GRN: variants seen among roughly 807,000 people sequenced by gnomAD.
GRN encodes granulin precursor.
In GRN, 30 loss-of-function variants were observed where a neutral mutation model predicts 66.7. The observed-to-expected ratio is 0.45, with a 90% CI of 0.34 to 0.61. The LOEUF is 0.61. Ranked by LOEUF, GRN falls within the 20% of genes least tolerant of loss-of-function variation. The pLI is 0.01. For missense variants in GRN, 731 were observed against 803.5 expected (o/e 0.91, Z 1.09); for synonymous variants, 327 against 311.1 (o/e 1.05, Z -0.54).
At chr17:44,349,355 G>T (rs749422874) in intron 2 of GRN, 53 bp downstream of exon 2, 12 of 1,614,098 alleles carry the variant, frequency 7.4e-6, no homozygotes, top group Non-Finnish European at 1.0e-5. Flanking sequence ...TTCCCAAAGG[G>T]TCATCTTGGA....
chr17:44,347,754 C>A (rs1329083303), intron 1 of GRN, among the ~76,000 whole-genome samples: 1 of 151,318 alleles, frequency 6.6e-6, no homozygotes, highest in African/African-American at 2.4e-5. Flanking sequence ...GAGTTCAAGA[C>A]CAGCCTGACC....
Position 44,352,762 on chromosome 17 carries a change from C to T in GRN, c.1746C>T (p.Ala582=). The change falls in exon 13 of 13, where the codon GCC becomes GCT. Residue 582 remains alanine, a synonymous_variant. Coordinates refer to ENST00000053867, the MANE Select transcript of GRN (RefSeq NM_002087.4). ...CLRREAPRWD[A]PLRDPALRQL... is the part of the protein sequence containing the mutation. ...GCAGGGAGGCCCCGCGCTGGGACGCCCCTTTGAGGGACCCAGCCTTGAGAC... is the reference window on the plus strand; with the variant it reads ...GCAGGGAGGCCCCGCGCTGGGACGCTCCTTTGAGGGACCCAGCCTTGAGAC... 6.2e-7 allele frequency: 1 copy of T among 1,611,854 alleles called. No homozygotes were observed. The highest frequency in any genetic ancestry group is 1.1e-5 in the South Asian group (1 of 91,088).
chr17:44,349,785 C>CG (rs2048354989), intron 4 of GRN, 34 bp downstream of exon 4: 1 of 1,427,846 alleles, frequency 7.0e-7, no homozygotes, highest in African/African-American at 1.4e-5. Context: ...GGCAGGCAGA[C>CG]GGGCAGCATG....
Position 44,350,586 on chromosome 17 carries a change from G to A in GRN, c.598+9G>A. ...GAGGACTAACAGGGCAGGTGAGGAG[G>A]TGGGAGAGCATCAGGCCAGGGGCTG... On this transcript the variant is annotated intron_variant, in intron 6 of 12. Coordinates refer to ENST00000053867, the MANE Select transcript of GRN (RefSeq NM_002087.4). 1 of 1,613,704 alleles carries A rather than the reference G, an allele frequency of 6.2e-7. No individual in the cohort carries two copies. The highest frequency in any genetic ancestry group is 2.2e-5 in the East Asian group (1 of 44,880).
chr17:44,347,117 A>AG (rs1209153560), intron 1 of GRN, among the ~76,000 whole-genome samples: 1 of 46,596 alleles, frequency 2.1e-5, no homozygotes, highest in Non-Finnish European at 3.4e-5. Context: ...ACTCCATCTC[A>AG]AAAAAAAAAG....
chr17:44,347,319 C>G (rs1018389001), intron 1 of GRN, among the ~76,000 whole-genome samples: 15 of 152,016 alleles, frequency 9.9e-5, no homozygotes, highest in South Asian at 6.2e-4. Flanking sequence ...ATCTCAGTCT[C>G]ACTCTGTCAC....
rs772720221 is a variant in GRN at position 44,352,395 on chromosome 17, GT to G, written c.1469del (p.Val490GlyfsTer27). On this transcript the variant is annotated frameshift_variant, in exon 12 of 13. Transcript: ENST00000053867. LOFTEE classifies it high-confidence loss of function. ...CTGCCCGGCTGGCTACACCTGCAACGTGAAGGCTCGATCCTGCGAGAAGGAA... is the reference window on the plus strand; with the variant it reads ...CTGCCCGGCTGGCTACACCTGCAACGGAAGGCTCGATCCTGCGAGAAGGAA... ...HCCPAGYTCN[V>X]KARSCEKEVV... is the part of the protein sequence containing the mutation. 4 of 1,613,972 alleles carry G rather than the reference GT, an allele frequency of 2.5e-6. No homozygotes were observed. The South Asian group carries it at 4.4e-5, about 18-fold the overall frequency.
In GRN at chr17:44,351,519, G is replaced by C. The variant is rs1446230922; in HGVS notation, c.934-31G>C. 5 of 1,613,674 alleles carry C rather than the reference G, an allele frequency of 3.1e-6. No individual in the cohort carries two copies. In the Admixed American group the frequency reaches 8.3e-5, roughly 27 times the overall value. On this transcript the variant is annotated intron_variant, in intron 9 of 12. Coordinates refer to ENST00000053867, the MANE Select transcript of GRN (RefSeq NM_002087.4). ...CAGTGTGGCAGGCAGCCGGGCCCCA[G>C]TGCCCACCTGCCCTTCTTCATCTGC... is the stretch of plus-strand genomic sequence containing the variant.
At position 44,351,023 on chromosome 17, in the gene GRN, C is replaced by G. The variant is rs1296390642; in HGVS notation, c.709-14C>G. The G allele has an allele frequency of 6.2e-7, 1 of 1,612,882 alleles. No homozygotes were observed. Among genetic ancestry groups the G allele is most frequent in the Non-Finnish European group, 8.5e-7 (1 of 1,179,856 alleles). On this transcript the variant is annotated splice_polypyrimidine_tract_variant and intron_variant, in intron 7 of 12. Transcript: ENST00000053867. ...GCCTGGAAGTGACAAAGACCCACCCCTGTCCCCACTCAGGCCACCTGCTGC... is the reference window on the plus strand; with the variant it reads ...GCCTGGAAGTGACAAAGACCCACCCGTGTCCCCACTCAGGCCACCTGCTGC...
At position 44,351,028 on chromosome 17, in the gene GRN, C is replaced by A; in HGVS notation, c.709-9C>A. 1 of 1,613,280 alleles carries A rather than the reference C, an allele frequency of 6.2e-7. No individual in the cohort carries two copies. The highest frequency in any genetic ancestry group is 8.5e-7 in the Non-Finnish European group (1 of 1,179,888). On this transcript the variant is annotated splice_polypyrimidine_tract_variant and intron_variant, in intron 7 of 12. Transcript: ENST00000053867. Reference sequence around the variant, plus strand: ...GAAGTGACAAAGACCCACCCCTGTCCCCACTCAGGCCACCTGCTGCTCCGA... The same window carrying A: ...GAAGTGACAAAGACCCACCCCTGTCACCACTCAGGCCACCTGCTGCTCCGA...
At chr17:44,348,353 C>T (rs551814349) in intron 1 of GRN, among the ~76,000 whole-genome samples, 47 of 152,276 alleles carry the variant, frequency 3.1e-4, no homozygotes, top group South Asian at 1.0e-3. Flanking sequence ...AGTGGGCACA[C>T]GTGGTCTCTC....
chr17:44,349,530 C>T lies in GRN; in HGVS notation c.243C>T (p.Ser81=), dbSNP rs752928164. The T allele has an allele frequency of 2.5e-6, 4 of 1,614,206 alleles. No homozygotes were observed. Among genetic ancestry groups the T allele is most frequent in the East Asian group, 4.5e-5 (2 of 44,886 alleles). The part of the protein sequence containing the change: ...HSCIFTVSGT[S]SCCPFPEAVA... Reference sequence around the variant, plus strand: ...GCATCTTTACCGTCTCAGGGACTTCCAGTTGCTGCCCCTTCCCAGAGGTGA... The same window carrying T: ...GCATCTTTACCGTCTCAGGGACTTCTAGTTGCTGCCCCTTCCCAGAGGTGA... The change falls in exon 3 of 13, where the codon TCC becomes TCT. Residue 81 remains serine, a synonymous_variant. Coordinates refer to ENST00000053867, the MANE Select transcript of GRN (RefSeq NM_002087.4).
chr17:44,349,011 T>C, intron 1 of GRN, 147 bp from the exon 2 acceptor site: 1 of 856,758 alleles, frequency 1.2e-6, no homozygotes, highest in South Asian at 1.4e-5. Flanking sequence ...CCCCTGCAGA[T>C]TTCTGCCTGC....
In GRN at chr17:44,350,208, C is replaced by T; in HGVS notation, c.350-20C>T. 1 of 1,557,774 alleles carries T rather than the reference C, an allele frequency of 6.4e-7. No homozygotes were observed. The highest frequency in any genetic ancestry group is 1.1e-5 in the South Asian group (1 of 89,908). ...CTTCCCTGAGTGGGCTGGTAGTATC[C>T]TGGGTCATCTTGTCCACAGGTAACA... On this transcript the variant is annotated intron_variant, in intron 4 of 12. Transcript: ENST00000053867.
At chr17:44,350,616 G>A (rs761972748) in intron 6 of GRN, 39 bp downstream of exon 6, 33 of 1,611,996 alleles carry the variant, frequency 2.0e-5, no homozygotes, top group East Asian at 2.2e-5. Flanking sequence ...GGGCTGGGGC[G>A]GGGCCTCATT....
chr17:44,349,508 T>C lies in GRN; in HGVS notation c.221T>C (p.Ile74Thr), dbSNP rs372406610. ...CACTGCTCTGCCGGCCACTCCTGCA[T>C]CTTTACCGTCTCAGGGACTTCCAGT... ...DAHCSAGHSC[I>T]FTVSGTSSCC... The change falls in exon 3 of 13, where the codon ATC (isoleucine) becomes ACC (threonine). Residue 74 changes from isoleucine to threonine, a missense_variant. This residue lies in a region of GRN where 370 missense variants were observed against 379.8 expected (regional missense o/e 0.97). Coordinates refer to ENST00000053867, the MANE Select transcript of GRN (RefSeq NM_002087.4). 6.2e-7 allele frequency: 1 copy of C among 1,614,174 alleles called. No individual in the cohort carries two copies. Among genetic ancestry groups the C allele is most frequent in the Non-Finnish European group, 8.5e-7 (1 of 1,180,042 alleles).
At chr17:44,348,743 C>G (rs2048343698) in intron 1 of GRN, among the ~76,000 whole-genome samples, 1 of 152,240 alleles carries the variant, frequency 6.6e-6, no homozygotes, top group East Asian at 1.9e-4. Context: ...GACTCCCTCC[C>G]TGCACCCTAG....
intron 4 of GRN, chr17:44,349,970 G>T (rs1478760383): frequency 7.8e-6 from 5 of 639,570 alleles, no homozygotes; most frequent in East Asian, 2.7e-5. Flanking sequence ...CGTTGTGGGG[G>T]TGGGGAGAGG....
At chr17:44,351,869 T>C (rs1300167841) in intron 10 of GRN, 74 bp downstream of exon 10, 4 of 1,539,230 alleles carry the variant, frequency 2.6e-6, no homozygotes. Flanking sequence ...GCCCTCCGCA[T>C]AGCCCATAGG....
Sources: allele counts gnomAD v4.1 joint callset (sites outside exome capture counted in the v4.1 genomes callset), GRCh38; gene constraint gnomAD v4.1.1; regional missense constraint gnomAD v4.1.1; transcripts MANE v1.5; gene names NCBI Gene and HGNC (gene_info 2026-07-23, HGNC 2026-07-21).